The following B4GALT6 variants were observed in gnomAD, a reference collection of about 807,000 sequenced individuals.
B4GALT6 encodes beta-1,4-galactosyltransferase 6, also known as UDP-Gal:beta-GlcNAc beta-1,4-galactosyltransferase 6.
Under a neutral mutation model 46.3 loss-of-function variants are expected in B4GALT6, and 14 were observed. The ratio of observed to expected loss-of-function variants is 0.30; its 90% confidence interval spans 0.20 to 0.47. The LOEUF is 0.47. B4GALT6 is among the 20% of genes least tolerant of loss of function. The pLI, the probability that B4GALT6 is intolerant of heterozygous loss-of-function variation, is 0.99. For missense variants in B4GALT6, 386 were observed against 480.1 expected (o/e 0.80, Z 1.83); for synonymous variants, 168 against 162.0 (o/e 1.04, Z -0.28).
At chr18:31,690,310 T>C (rs1406927815), upstream of B4GALT6, among the ~76,000 whole-genome samples, 3 of 151,808 alleles carry the variant, frequency 2.0e-5, no homozygotes, top group East Asian at 1.9e-4. Flanking sequence ...TTTTTATTTT[T>C]AGTAGAGACA....
the B4GALT6 span, among the ~76,000 whole-genome samples, chr18:31,712,334 A>G: frequency 8.6e-6 from 1 of 116,210 alleles, no homozygotes; most frequent in African/African-American, 3.6e-5. Flanking sequence ...ACAGGGTCTC[A>G]CTCTGTCACC....
At chr18:31,679,130 A>T (rs2074449957) in intron 1 of B4GALT6, among the ~76,000 whole-genome samples, 1 of 152,240 alleles carries the variant, frequency 6.6e-6, no homozygotes, top group African/African-American at 2.4e-5. Context: ...TATCTTTAAT[A>T]AACATTAAAG....
At chr18:31,684,183 A>G in intron 1 of B4GALT6, 129 bp downstream of exon 1, 1 of 1,451,716 alleles carries the variant, frequency 6.9e-7, no homozygotes, top group East Asian at 2.5e-5. Context: ...CTGAAATAAC[A>G]TTTAAAACAA....
intron 1 of B4GALT6, among the ~76,000 whole-genome samples, chr18:31,678,811 G>C (rs1456482578): frequency 6.6e-6 from 1 of 152,208 alleles, no homozygotes. Context: ...CCCTGGCCTT[G>C]GGCCCTTGGA....
intron 3 of B4GALT6, among the ~76,000 whole-genome samples, chr18:31,653,142 C>T (rs549946496): frequency 3.3e-5 from 5 of 152,066 alleles, no homozygotes; most frequent in African/African-American, 1.2e-4. Context: ...CTCTGAAGCT[C>T]ACCTCATGGA....
the B4GALT6 span, among the ~76,000 whole-genome samples, chr18:31,701,428 A>T: frequency 6.6e-6 from 1 of 152,198 alleles, no homozygotes; most frequent in African/African-American, 2.4e-5. Flanking sequence ...TGAGCCAATT[A>T]AACTTCTTTT....
At position 31,624,640 on chromosome 18, in the gene B4GALT6, G is replaced by T. The variant is rs2073663237; in HGVS notation, c.*974C>A. The T allele has an allele frequency of 6.6e-6, 1 of 151,596 alleles. No homozygotes were observed. Among genetic ancestry groups the T allele is most frequent in the Non-Finnish European group, 1.5e-5 (1 of 67,850 alleles). 9.4% of individuals were successfully genotyped at this position (151,596 alleles called of 1,614,324 possible). A position where few individuals can be genotyped will look rare whatever the true frequency, so the allele number is the denominator to read the frequency against. On this transcript the variant is annotated 3_prime_UTR_variant, in exon 9 of 9. Coordinates refer to ENST00000306851, the MANE Select transcript of B4GALT6 (RefSeq NM_004775.5). ...ATCATTCTTTTAAAAAAACTGACTTGATTTCTTTTTAAATGAAGATACTTT... is the reference window on the plus strand; with the variant it reads ...ATCATTCTTTTAAAAAAACTGACTTTATTTCTTTTTAAATGAAGATACTTT...
At chr18:31,684,698 G>GGGACGGCA (rs2074524281), upstream of B4GALT6, 2 of 1,149,370 alleles carry the variant, frequency 1.7e-6, no homozygotes, top group African/African-American at 3.2e-5. Context: ...TAGGGGCCCG[G>GGGACGGCA]GGACGGCAGG....
chr18:31,690,913 C>G, the B4GALT6 span, among the ~76,000 whole-genome samples: 1 of 152,058 alleles, frequency 6.6e-6, no homozygotes, highest in Admixed American at 6.5e-5. Flanking sequence ...AACCAAACAC[C>G]GCATGTTCTC....
chr18:31,722,977 G>A, the B4GALT6 span, among the ~76,000 whole-genome samples: 1 of 152,134 alleles, frequency 6.6e-6, no homozygotes, highest in Non-Finnish European at 1.5e-5. Context: ...CTAATCATGA[G>A]GTTGGATTTT....
chr18:31,651,871 C>T (rs748707969), intron 3 of B4GALT6, among the ~76,000 whole-genome samples: 53 of 152,104 alleles, frequency 3.5e-4, no homozygotes, highest in African/African-American at 4.8e-5. Flanking sequence ...CCTGGGTTCA[C>T]GCCATTCTCC....
the B4GALT6 span, chr18:31,724,635 G>A: frequency 9.6e-7 from 1 of 1,043,076 alleles, no homozygotes; most frequent in Non-Finnish European, 1.2e-6. Flanking sequence ...GCTGCACACT[G>A]GGATCTGAAT....
chr18:31,627,409 G>A (rs2073714918), intron 6 of B4GALT6, among the ~76,000 whole-genome samples: 1 of 151,962 alleles, frequency 6.6e-6, no homozygotes, highest in Non-Finnish European at 1.5e-5. Context: ...AAAACCCAGT[G>A]CCCCCAAATT....
upstream of B4GALT6, chr18:31,684,653 G>T: frequency 1.3e-6 from 1 of 769,584 alleles, no homozygotes; most frequent in South Asian, 3.1e-5. Flanking sequence ...GAGGCCGAGG[G>T]ACAAGAGGTG....
Position 31,623,626 on chromosome 18 carries a change from TATC to T in B4GALT6, c.*1985_*1987del, listed in dbSNP as rs1355241988. On this transcript the variant is annotated 3_prime_UTR_variant, in exon 9 of 9. Coordinates refer to ENST00000306851, the MANE Select transcript of B4GALT6 (RefSeq NM_004775.5). ...AACTAATACACAAATGAAGTACAAATATCATAATTTTCAGAAGGTTTGATTTTT... is the reference window on the plus strand; with the variant it reads ...AACTAATACACAAATGAAGTACAAATATAATTTTCAGAAGGTTTGATTTTT... 4 of 152,354 alleles carry T rather than the reference TATC, an allele frequency of 2.6e-5. No homozygotes were observed. Among genetic ancestry groups the T allele is most frequent in the African/African-American group, 7.2e-5 (3 of 41,436 alleles). 9.4% of individuals were successfully genotyped at this position (152,354 alleles called of 1,614,324 possible).
At chr18:31,644,188 G>A (rs1296898656) in intron 4 of B4GALT6, among the ~76,000 whole-genome samples, 3 of 152,196 alleles carry the variant, frequency 2.0e-5, no homozygotes, top group Admixed American at 2.0e-4. Context: ...TTCACAACTT[G>A]TTCAAGGCAA....
At chr18:31,724,463 C>T in the B4GALT6 span, 422 of 1,016,412 alleles carry the variant, frequency 4.2e-4, no homozygotes, top group Non-Finnish European at 3.2e-4. Context: ...AACTCCCCAC[C>T]CCCGGGCAGA....
chr18:31,641,862 TG>T (rs774455764), intron 4 of B4GALT6, among the ~76,000 whole-genome samples: 19 of 152,226 alleles, frequency 1.2e-4, no homozygotes, highest in Non-Finnish European at 2.5e-4. Flanking sequence ...AAGAAAAATG[TG>T]TATCACATCA....
At chr18:31,715,217 T>C in the B4GALT6 span, among the ~76,000 whole-genome samples, 2 of 152,134 alleles carry the variant, frequency 1.3e-5, no homozygotes, top group East Asian at 3.8e-4. Context: ...CTTTTTATTT[T>C]ATTATTTATT....
Sources: allele counts gnomAD v4.1 joint callset (sites outside exome capture counted in the v4.1 genomes callset), GRCh38; gene constraint gnomAD v4.1.1; transcripts MANE v1.5; gene names NCBI Gene and HGNC (gene_info 2026-07-23, HGNC 2026-07-21).